STPG2: variants seen among roughly 807,000 people sequenced by gnomAD.
STPG2 encodes sperm-tail PG-rich repeat-containing protein 2.
A neutral mutation model predicts 54.2 loss-of-function variants in STPG2; 56 were observed. The observed-to-expected ratio is 1.03, with a 90% CI of 0.83 to 1.29. STPG2 has a LOEUF of 1.29. STPG2 is among the 50% of genes most tolerant of loss of function. The probability of loss-of-function intolerance (pLI) is 0.00; values close to 1 mark genes in which losing one functional copy is unlikely to be tolerated. For synonymous variants in STPG2, 200 were observed against 181.8 expected, an observed-to-expected ratio of 1.10 and a Z score of -0.81; for missense variants, 596 against 544.9, an observed-to-expected ratio of 1.09 and a Z score of -0.93.
chr4:97,450,663 A>C (rs2148797707), intron 4 of STPG2, among the ~76,000 whole-genome samples: 1 of 152,312 alleles, frequency 6.6e-6, no homozygotes, highest in African/African-American at 2.4e-5. Flanking sequence ...AAGTAGGCTA[A>C]TAAGCCTGGA....
intron 4 of STPG2, among the ~76,000 whole-genome samples, chr4:97,455,823 G>A (rs1355081372): frequency 6.6e-6 from 1 of 152,134 alleles, no homozygotes; most frequent in Non-Finnish European, 1.5e-5. Flanking sequence ...GAGGCTTCAG[G>A]AGCTTTAAGC....
intron 10 of STPG2, among the ~76,000 whole-genome samples, chr4:97,575,256 T>A (rs1385661298): frequency 1.3e-5 from 2 of 151,782 alleles, no homozygotes; most frequent in East Asian, 1.9e-4. Context: ...TCTGAAAAAA[T>A]CAAGGAGGAA....
intron 9 of STPG2, among the ~76,000 whole-genome samples, chr4:97,722,590 C>T (rs1029993636): frequency 1.3e-5 from 2 of 151,632 alleles, no homozygotes; most frequent in African/African-American, 4.9e-5. Flanking sequence ...TTTTTATATT[C>T]TGAATATAAA....
At chr4:97,850,516 T>C (rs1578620719) in intron 8 of STPG2, among the ~76,000 whole-genome samples, 1 of 152,042 alleles carries the variant, frequency 6.6e-6, no homozygotes, top group East Asian at 1.9e-4. Context: ...ATCTATACTT[T>C]ATAAATTTTT....
intron 10 of STPG2, among the ~76,000 whole-genome samples, chr4:97,679,236 C>T (rs1175857493): frequency 6.6e-6 from 1 of 152,160 alleles, no homozygotes; most frequent in African/African-American, 2.4e-5. Context: ...CTTTACAGTC[C>T]CACCAACAGT....
At chr4:97,560,020 T>C (rs1454591677) in intron 10 of STPG2, among the ~76,000 whole-genome samples, 1 of 152,166 alleles carries the variant, frequency 6.6e-6, no homozygotes, top group East Asian at 1.9e-4. Flanking sequence ...ATCTGAACGG[T>C]AGGGTGATCA....
chr4:97,563,534 T>C (rs553474005), intron 10 of STPG2, among the ~76,000 whole-genome samples: 1 of 152,066 alleles, frequency 6.6e-6, no homozygotes, highest in East Asian at 1.9e-4. Context: ...TGATGTTAGG[T>C]TGTCAATTTT....
intron 5 of STPG2, among the ~76,000 whole-genome samples, chr4:98,052,175 G>A (rs565922622): frequency 4.0e-5 from 6 of 151,826 alleles, no homozygotes; most frequent in Admixed American, 3.3e-4. Context: ...AAAAGGATAT[G>A]ATAGAGATTG....
chr4:97,665,403 G>A (rs556057303), intron 10 of STPG2, among the ~76,000 whole-genome samples: 23 of 152,258 alleles, frequency 1.5e-4, no homozygotes, highest in African/African-American at 4.6e-4. Flanking sequence ...TTTCTGTAGC[G>A]AGGATGTCCC....
intron 10 of STPG2, among the ~76,000 whole-genome samples, chr4:97,687,514 A>G (rs1271299869): frequency 2.0e-5 from 3 of 151,576 alleles, no homozygotes; most frequent in Non-Finnish European, 2.9e-5. Flanking sequence ...TAATTTTTGT[A>G]TTTTTAGTAG....
chr4:98,051,014 A>G (rs1440966168), intron 5 of STPG2, among the ~76,000 whole-genome samples: 1 of 68,792 alleles, frequency 1.5e-5, no homozygotes, highest in African/African-American at 5.9e-5. Context: ...CAAAAAAAAG[A>G]AAAAAAAAAA....
chr4:98,019,186 A>T (rs1348044529), intron 5 of STPG2, among the ~76,000 whole-genome samples: 3 of 152,106 alleles, frequency 2.0e-5, no homozygotes, highest in African/African-American at 4.8e-5. Flanking sequence ...ATCTTGAATT[A>T]ATTTTTGTAT....
At chr4:97,441,492 T>A (rs1258603593) in intron 4 of STPG2, 1 of 152,000 alleles carries the variant, frequency 6.6e-6, no homozygotes, top group Non-Finnish European at 1.5e-5. Context: ...GAGAGAACTG[T>A]CAGCTTACGT....
At chr4:98,039,980 C>T (rs1315279513) in intron 5 of STPG2, among the ~76,000 whole-genome samples, 1 of 151,860 alleles carries the variant, frequency 6.6e-6, no homozygotes, top group African/African-American at 2.4e-5. Flanking sequence ...TCCTTGCCAA[C>T]ATCTGTTATT....
At chr4:97,959,278 A>G (rs1733798009) in intron 7 of STPG2, among the ~76,000 whole-genome samples, 1 of 152,118 alleles carries the variant, frequency 6.6e-6, no homozygotes, top group Non-Finnish European at 1.5e-5. Flanking sequence ...CTAAAAGAGC[A>G]CAAACAGACA....
intron 10 of STPG2, among the ~76,000 whole-genome samples, chr4:97,603,156 A>C (rs187296897): frequency 2.3e-3 from 347 of 151,916 alleles, no homozygotes; most frequent in Admixed American, 5.8e-3. Context: ...CAGGCAAAAA[A>C]CTTAAATAGG....
In STPG2 at chr4:97,940,794, C is replaced by T. The variant is rs375478666; in HGVS notation, c.1044+3103G>A. Among the ~76,000 whole-genome samples the T allele has an allele frequency of 2.0e-4, 30 of 152,170 alleles. 1 individual carries two copies. In the East Asian group the frequency reaches 4.4e-3, roughly 23 times the overall value. On this transcript the variant is annotated intron_variant, in intron 8 of 10. Coordinates refer to ENST00000295268, the MANE Select transcript of STPG2 (RefSeq NM_174952.3). ...CAGAGCCAAGTAGTGTGGCCATACA[C>T]AAGTAACAAATTTTATGTCATCAAA...
chr4:97,491,113 C>T (rs908959578), intron 4 of STPG2, among the ~76,000 whole-genome samples: 7 of 151,310 alleles, frequency 4.6e-5, no homozygotes, highest in Non-Finnish European at 8.9e-5. Context: ...AGACCTAAGT[C>T]CACCATTTCA....
At chr4:97,950,171 T>G (rs1733413368) in intron 7 of STPG2, among the ~76,000 whole-genome samples, 1 of 152,094 alleles carries the variant, frequency 6.6e-6, no homozygotes, top group Non-Finnish European at 1.5e-5. Context: ...AATTTTCACC[T>G]TTCTCTAGTA....
Sources: allele counts gnomAD v4.1 joint callset (sites outside exome capture counted in the v4.1 genomes callset), GRCh38; gene constraint gnomAD v4.1.1; transcripts MANE v1.5; gene names NCBI Gene and HGNC (gene_info 2026-07-23, HGNC 2026-07-21).